VSNL1: variants seen among roughly 807,000 people sequenced by gnomAD.
VSNL1 encodes the protein visinin-like protein 1.
Under a neutral mutation model 20.4 loss-of-function variants are expected in VSNL1, and 6 were observed. The ratio of observed to expected loss-of-function variants is 0.29; its 90% CI spans 0.16 to 0.58. The LOEUF (loss-of-function observed/expected upper bound fraction) is 0.58, where lower values mean the gene tolerates loss of function less well. Among genes scored for constraint, VSNL1 ranks in the 20% least tolerant of loss-of-function variants. The pLI, the probability that VSNL1 is intolerant of heterozygous loss-of-function variation, is 0.90. For synonymous variants in VSNL1, 93 were observed against 86.4 expected (o/e 1.08, Z -0.42); for missense variants, 100 against 234.5 (o/e 0.43, Z 3.75).
chr2:17,649,693 C>G lies in VSNL1; in HGVS notation c.378+68C>G. 2.0e-6 allele frequency: 3 copies of G among 1,486,834 alleles called. No homozygotes were observed. The highest frequency in any genetic ancestry group is 2.8e-6 in the Non-Finnish European group (3 of 1,073,232). The allele number at this position is 1,486,834 out of a possible 1,614,324, so 92.1% of individuals were successfully genotyped here. A position where few individuals can be genotyped will look rare whatever the true frequency, so the allele number is the denominator to read the frequency against. Reference sequence around the variant, plus strand: ...AGACCCCACGGCAGCCTCCTAGGTGCAGGCCTTAGTGGCTTCTTCTCTCTC... The same window carrying G: ...AGACCCCACGGCAGCCTCCTAGGTGGAGGCCTTAGTGGCTTCTTCTCTCTC... On this transcript the variant is annotated intron_variant, in intron 3 of 3. Transcript: ENST00000295156. The surrounding 1 kb of genome is among the most constrained non-coding windows in gnomAD (Gnocchi z 6.4).
chr2:17,635,393 A>G (rs939650079), intron 2 of VSNL1, among the ~76,000 whole-genome samples: 12 of 152,140 alleles, frequency 7.9e-5, no homozygotes, highest in African/African-American at 2.9e-4. Context: ...TGCTGAGGGG[A>G]CTTGCCTTAG....
intron 1 of VSNL1, among the ~76,000 whole-genome samples, chr2:17,562,839 G>C (rs1346758657): frequency 6.6e-6 from 1 of 152,186 alleles, no homozygotes; most frequent in Non-Finnish European, 1.5e-5. Context: ...ATTGATGAAT[G>C]ATCTGGTGCC....
At chr2:17,580,172 C>CA (rs1664318651) in intron 1 of VSNL1, among the ~76,000 whole-genome samples, 1 of 152,098 alleles carries the variant, frequency 6.6e-6, no homozygotes, top group South Asian at 2.1e-4. Flanking sequence ...TATTCAAATT[C>CA]AAAAAATAGA....
At chr2:17,580,136 T>C (rs980185398) in intron 1 of VSNL1, among the ~76,000 whole-genome samples, 2 of 152,222 alleles carry the variant, frequency 1.3e-5, no homozygotes, top group African/African-American at 4.8e-5. Context: ...GCTAAAGCAC[T>C]ATCCACTGTT....
chr2:17,574,557 T>A (rs1351615451), intron 1 of VSNL1, among the ~76,000 whole-genome samples: 1 of 152,210 alleles, frequency 6.6e-6, no homozygotes, highest in Non-Finnish European at 1.5e-5. Context: ...AGCAATCAAA[T>A]ACAGTCCATA....
At chr2:17,638,737 T>C (rs1665815352) in intron 2 of VSNL1, among the ~76,000 whole-genome samples, 1 of 152,172 alleles carries the variant, frequency 6.6e-6, no homozygotes, top group African/African-American at 2.4e-5. Context: ...TGCCCTGAGA[T>C]CTAGTCTCTA....
At position 17,649,710 on chromosome 2, in the gene VSNL1, TTC is replaced by T; in HGVS notation, c.378+93_378+94del. The T allele has an allele frequency of 4.6e-6, 6 of 1,305,354 alleles. No individual in the cohort carries two copies. The highest frequency in any genetic ancestry group is 3.7e-5 in the Admixed American group (2 of 53,408). The allele number at this position is 1,305,354 out of a possible 1,614,324, so 80.9% of individuals were successfully genotyped here. ...CCTAGGTGCAGGCCTTAGTGGCTTC[TTC>T]TCTCTCTGCTCGAGCCCTGCCAGCT... On this transcript the variant is annotated intron_variant, in intron 3 of 3. Transcript: ENST00000295156. The surrounding 1 kb of genome is among the most constrained non-coding windows in gnomAD (Gnocchi z 6.4).
intron 1 of VSNL1, among the ~76,000 whole-genome samples, chr2:17,565,389 C>T (rs1663913045): frequency 6.6e-6 from 1 of 151,824 alleles, no homozygotes; most frequent in African/African-American, 2.4e-5. Context: ...TCTCACTCAC[C>T]TACCTTCTTC....
chr2:17,650,137 GC>G (rs1666093721), intron 3 of VSNL1, among the ~76,000 whole-genome samples: 1 of 152,098 alleles, frequency 6.6e-6, no homozygotes, highest in Non-Finnish European at 1.5e-5. Context: ...TTCTTCTAAT[GC>G]CCGGTTCCAC....
intron 2 of VSNL1, among the ~76,000 whole-genome samples, chr2:17,635,842 A>G (rs938994020): frequency 1.3e-5 from 2 of 152,202 alleles, no homozygotes; most frequent in Admixed American, 6.5e-5. Context: ...CATGGGATTT[A>G]TCTTTTCACA....
chr2:17,607,837 G>A (rs1246402646), intron 2 of VSNL1, among the ~76,000 whole-genome samples: 1 of 152,234 alleles, frequency 6.6e-6, no homozygotes, highest in Non-Finnish European at 1.5e-5. Context: ...CATTTAAAGA[G>A]TGTTATCCAG....
intron 2 of VSNL1, among the ~76,000 whole-genome samples, chr2:17,626,192 C>T (rs959059564): frequency 1.3e-5 from 2 of 152,186 alleles, no homozygotes; most frequent in Non-Finnish European, 2.9e-5. Context: ...ATATGCCCCA[C>T]CTGCAAAAAC....
intron 1 of VSNL1, among the ~76,000 whole-genome samples, chr2:17,572,794 C>T (rs1178758689): frequency 6.6e-6 from 1 of 152,222 alleles, no homozygotes; most frequent in Non-Finnish European, 1.5e-5. Flanking sequence ...TTTCACATCT[C>T]TTTGTATCTA....
At chr2:17,610,339 T>A (rs1370437231) in intron 2 of VSNL1, among the ~76,000 whole-genome samples, 1 of 152,146 alleles carries the variant, frequency 6.6e-6, no homozygotes, top group Non-Finnish European at 1.5e-5. Flanking sequence ...CCAAGTGGAC[T>A]GGCAATAATA....
At chr2:17,611,777 C>T (rs948475991) in intron 2 of VSNL1, among the ~76,000 whole-genome samples, 4 of 152,192 alleles carry the variant, frequency 2.6e-5, no homozygotes, top group African/African-American at 9.7e-5. Flanking sequence ...ATACTCTTGT[C>T]CTGCCCTCAC....
At chr2:17,553,856 GTTA>G (rs1663610501) in intron 1 of VSNL1, among the ~76,000 whole-genome samples, 1 of 152,152 alleles carries the variant, frequency 6.6e-6, no homozygotes, top group South Asian at 2.1e-4. Context: ...CTCATTGGTG[GTTA>G]TTATTAGTTT....
At chr2:17,588,937 C>A (rs1256495888) in intron 1 of VSNL1, among the ~76,000 whole-genome samples, 1 of 151,988 alleles carries the variant, frequency 6.6e-6, no homozygotes, top group Non-Finnish European at 1.5e-5. Context: ...TAGGAGTTAC[C>A]AAGAGGCAAA....
At chr2:17,562,656 AC>A (rs1249675949) in intron 1 of VSNL1, among the ~76,000 whole-genome samples, 1 of 152,178 alleles carries the variant, frequency 6.6e-6, no homozygotes, top group Non-Finnish European at 1.5e-5. Flanking sequence ...CTACCTCTAA[AC>A]GTCGTGATTA....
chr2:17,586,073 C>T (rs1383595741), intron 1 of VSNL1, among the ~76,000 whole-genome samples: 16 of 152,138 alleles, frequency 1.1e-4, no homozygotes, highest in Non-Finnish European at 2.2e-4. Flanking sequence ...CCTCCCAAAG[C>T]GCTGGGATTA....
Sources: allele counts gnomAD v4.1 joint callset (sites outside exome capture counted in the v4.1 genomes callset), GRCh38; gene constraint gnomAD v4.1.1; non-coding constraint Gnocchi (gnomAD v3.1); transcripts MANE v1.5; gene names NCBI Gene and HGNC (gene_info 2026-07-23, HGNC 2026-07-21).